The following AGAP1 variants were observed in gnomAD, a reference collection of about 807,000 sequenced individuals.
The protein encoded by AGAP1 is ArfGAP with GTPase domain, ankyrin repeat and PH domain 1, also known as arf-GAP with GTPase, ANK repeat and PH domain-containing protein 1.
Under a neutral mutation model 105.3 loss-of-function variants are expected in AGAP1, and 29 were observed. The ratio of observed to expected loss-of-function variants is 0.28; its 90% CI spans 0.21 to 0.38. AGAP1 has a LOEUF of 0.38. AGAP1 is among the 10% of genes least tolerant of loss of function. The pLI is 1.00. For missense variants in AGAP1, 998 were observed against 1,165.1 expected (o/e 0.86, Z 2.09); for synonymous variants, 509 against 485.9 (o/e 1.05, Z -0.63).
At chr2:235,523,899 G>A (rs1408256047) in intron 1 of AGAP1, among the ~76,000 whole-genome samples, 1 of 152,008 alleles carries the variant, frequency 6.6e-6, no homozygotes, top group Admixed American at 6.5e-5. Context: ...CCAGGGTATG[G>A]GATTGCAGCG....
intron 3 of AGAP1, among the ~76,000 whole-genome samples, chr2:235,727,596 A>T (rs1451630674): frequency 6.6e-6 from 1 of 152,168 alleles, no homozygotes; most frequent in Non-Finnish European, 1.5e-5. Context: ...GGAATGTTAT[A>T]CATTGTTTGG....
intron 6 of AGAP1, among the ~76,000 whole-genome samples, chr2:235,794,453 A>C (rs1441452837): frequency 6.6e-6 from 1 of 152,114 alleles, no homozygotes; most frequent in East Asian, 1.9e-4. Context: ...CTCAGTGACA[A>C]AGCTTCCAGA....
chr2:235,494,915 G>A lies in AGAP1; in HGVS notation c.163+66G>A, dbSNP rs866648799. On this transcript the variant is annotated intron_variant, in intron 1 of 17. Coordinates refer to ENST00000304032, the MANE Select transcript of AGAP1 (RefSeq NM_001037131.3). ...CGCCCGCGGCGCGGCGGGGGTGTGC[G>A]CTGTGTGCGTGCGGGTGTCCACACA... 6.1e-6 allele frequency: 9 copies of A among 1,464,710 alleles called. No homozygotes were observed. The Middle Eastern group carries it at 1.6e-3, about 254-fold the overall frequency. The allele number at this position is 1,464,710 out of a possible 1,614,324, so 90.7% of individuals were successfully genotyped here.
At chr2:235,813,959 C>T (rs62190879) in intron 9 of AGAP1, among the ~76,000 whole-genome samples, 31,401 of 152,148 alleles carry the variant, frequency 0.21, 4,050 homozygotes, top group Non-Finnish European at 0.29. Flanking sequence ...CTACCGCCCC[C>T]GGGTGAATTC....
rs1007136741 is a variant in AGAP1 at position 236,053,684 on chromosome 2, C to T, written c.2114+4403C>T. 2.1e-4 allele frequency among the ~76,000 whole-genome samples: 32 copies of T among 152,350 alleles called. No individual in the cohort carries two copies. Among genetic ancestry groups the T allele is most frequent in the African/African-American group, 7.5e-4 (31 of 41,578 alleles). The stretch of plus-strand genomic sequence containing the variant: ...TGGCCCCCAAGGCCCTGCAGGGACT[C>T]GCTGCTATTTGCATTTCAGTGCAGG... On this transcript the variant is annotated intron_variant, in intron 16 of 17. Transcript: ENST00000304032. This position sits in a 1 kb window ranked among gnomAD's most constrained non-coding sequence, Gnocchi z 4.6.
At chr2:235,985,026 A>G (rs2055253756) in intron 13 of AGAP1, among the ~76,000 whole-genome samples, 1 of 152,224 alleles carries the variant, frequency 6.6e-6, no homozygotes. Flanking sequence ...AGGAATCGCC[A>G]TACTGTCTTC....
At chr2:235,862,771 C>A (rs1411236061) in intron 9 of AGAP1, among the ~76,000 whole-genome samples, 1 of 152,196 alleles carries the variant, frequency 6.6e-6, no homozygotes, top group Non-Finnish European at 1.5e-5. Flanking sequence ...CTTTGAACTT[C>A]CGTAATAGAT....
chr2:235,521,542 A>G (rs1451096640), intron 1 of AGAP1, among the ~76,000 whole-genome samples: 1 of 152,192 alleles, frequency 6.6e-6, no homozygotes, highest in East Asian at 1.9e-4. Flanking sequence ...GTACTTATAT[A>G]ACCTCCTGCT....
chr2:235,587,626 G>T (rs1019740662), intron 1 of AGAP1, among the ~76,000 whole-genome samples: 1 of 151,998 alleles, frequency 6.6e-6, no homozygotes, highest in Non-Finnish European at 1.5e-5. Flanking sequence ...ATTGTGGCAG[G>T]CACCTGTAAT....
At chr2:236,006,842 T>A (rs757546835) in intron 13 of AGAP1, among the ~76,000 whole-genome samples, 74 of 152,218 alleles carry the variant, frequency 4.9e-4, no homozygotes, top group Non-Finnish European at 6.2e-4. Context: ...GCTTCTGCCA[T>A]AATGTTAGTC....
At chr2:236,085,889 A>T (rs2058916486) in intron 16 of AGAP1, among the ~76,000 whole-genome samples, 1 of 152,248 alleles carries the variant, frequency 6.6e-6, no homozygotes, top group Admixed American at 6.5e-5. Flanking sequence ...TCCATCAGTG[A>T]TAGCAAATTC....
chr2:235,503,443 G>A (rs1019207936), intron 1 of AGAP1, among the ~76,000 whole-genome samples: 4 of 152,058 alleles, frequency 2.6e-5, no homozygotes, highest in Non-Finnish European at 5.9e-5. Flanking sequence ...GGGAGGGGAT[G>A]GTGTGATTGG....
Position 235,589,189 on chromosome 2 carries a change from G to GTTTTTTTTTTTTTTT in AGAP1, c.163+94344_163+94345insTTTTTTTTTTTTTTT, listed in dbSNP as rs1205771315. 1.3e-4 allele frequency among the ~76,000 whole-genome samples: 7 copies of GTTTTTTTTTTTTTTT among 54,924 alleles called. 2 individuals are homozygous for GTTTTTTTTTTTTTTT. The highest frequency in any genetic ancestry group is 2.5e-4 in the African/African-American group (5 of 19,758). The allele number at this position is 54,924 out of a possible 152,430, so 36.0% of individuals were successfully genotyped here. A position where few individuals can be genotyped will look rare whatever the true frequency, so the allele number is the denominator to read the frequency against. On this transcript the variant is annotated intron_variant, in intron 1 of 17. Transcript: ENST00000304032. ...GAGAACTACCAGTTAATAGCTTATT[G>GTTTTTTTTTTTTTTT]TTTTGTTTTTTTTTTTTTTTTTTTT...
intron 1 of AGAP1, among the ~76,000 whole-genome samples, chr2:235,668,630 C>T (rs1306903139): frequency 6.6e-6 from 1 of 152,230 alleles, no homozygotes; most frequent in African/African-American, 2.4e-5. Flanking sequence ...GCTTGAGGAA[C>T]TGATAAGTTG....
chr2:236,057,925 A>G (rs764054030), intron 16 of AGAP1, among the ~76,000 whole-genome samples: 1 of 152,198 alleles, frequency 6.6e-6, no homozygotes, highest in Non-Finnish European at 1.5e-5. Context: ...ACTAGCAGTG[A>G]GAGGGACAGG....
chr2:236,079,743 AG>A (rs1341397694), intron 16 of AGAP1, among the ~76,000 whole-genome samples: 1 of 152,064 alleles, frequency 6.6e-6, no homozygotes, highest in African/African-American at 2.4e-5. Context: ...GGGACAGGGA[AG>A]GGGGTGGTAC....
chr2:235,834,461 C>T (rs969914877), intron 9 of AGAP1, among the ~76,000 whole-genome samples: 2 of 152,218 alleles, frequency 1.3e-5, no homozygotes, highest in Non-Finnish European at 2.9e-5. Flanking sequence ...TCCTCGTGCA[C>T]CCACCCAGGC....
chr2:235,770,844 A>T (rs777046291), intron 6 of AGAP1, among the ~76,000 whole-genome samples: 7 of 152,118 alleles, frequency 4.6e-5, no homozygotes, highest in Non-Finnish European at 7.4e-5. Context: ...TGGGGTCCCA[A>T]AAGATACTCA....
At chr2:235,651,586 G>A (rs12474016) in intron 1 of AGAP1, among the ~76,000 whole-genome samples, 115,021 of 152,128 alleles carry the variant, frequency 0.76, 43,695 homozygotes, top group African/African-American at 0.83. Flanking sequence ...TGTCGACGAC[G>A]TAGACAGATT....
Sources: gnomAD v4.1 joint callset for allele counts (sites outside exome capture counted in the v4.1 genomes callset) on GRCh38, gnomAD v4.1.1 for gene constraint, Gnocchi (gnomAD v3.1) non-coding constraint, MANE v1.5 for transcripts, NCBI Gene and HGNC (gene_info 2026-07-23, HGNC 2026-07-21) for gene names.